Variants in ACSF2 observed in about 807,000 individuals in gnomAD.
ACSF2 encodes the protein acyl-CoA synthetase family member 2.
Under a neutral mutation model 79.3 loss-of-function variants are expected in ACSF2, and 52 were observed. The ratio of observed to expected loss-of-function variants is 0.66; its 90% CI spans 0.53 to 0.83. The LOEUF (loss-of-function observed/expected upper bound fraction) is 0.83. Among genes scored for constraint, ACSF2 ranks in the 40% least tolerant of loss-of-function variants. The pLI is 0.00. For missense variants in ACSF2, 661 were observed against 803.3 expected (o/e 0.82, Z 2.14); for synonymous variants, 283 against 312.6 (o/e 0.91, Z 1.00).
intron 11 of ACSF2, chr17:50,472,002 C>G (rs1011051632): frequency 6.2e-6 from 1 of 160,198 alleles, no homozygotes; most frequent in Non-Finnish European, 1.4e-5. Flanking sequence ...TTTTCTCTAC[C>G]AGGCTTTCAG....
intron 1 of ACSF2, among the ~76,000 whole-genome samples, chr17:50,456,228 AACCCCC>A (rs2031986100): frequency 6.6e-6 from 1 of 152,108 alleles, no homozygotes; most frequent in Non-Finnish European, 1.5e-5. Context: ...GGGAGATCCA[AACCCCC>A]AGGCTGACTT....
chr17:50,450,027 G>A (rs1408131231), intron 1 of ACSF2, among the ~76,000 whole-genome samples: 1 of 152,104 alleles, frequency 6.6e-6, no homozygotes, highest in Non-Finnish European at 1.5e-5. Context: ...GCTTCTCTAA[G>A]TGGAGGCCTT....
At chr17:50,442,730 G>A (rs746309050) in intron 1 of ACSF2, among the ~76,000 whole-genome samples, 1 of 152,098 alleles carries the variant, frequency 6.6e-6, no homozygotes, top group Non-Finnish European at 1.5e-5. Flanking sequence ...ATCCCAAAGC[G>A]TTGGGATTAT....
chr17:50,432,921 A>G (rs2030062569), intron 1 of ACSF2, among the ~76,000 whole-genome samples: 3 of 152,250 alleles, frequency 2.0e-5, no homozygotes, highest in South Asian at 4.2e-4. Context: ...CCTAAACCCA[A>G]TAAGGCTGTG....
rs1176040196 is a variant in ACSF2 at position 50,461,278 on chromosome 17, C to T, written c.361C>T (p.Leu121Phe). The change falls in exon 3 of 16, where the codon CTC (leucine) becomes TTC (phenylalanine). Residue 121 changes from leucine (L) to phenylalanine (F), a missense_variant. Physicochemically the swap from Leu to Phe is conservative, Grantham distance 22 (BLOSUM62 0). Coordinates refer to ENST00000300441, the MANE Select transcript of ACSF2 (RefSeq NM_025149.6). The part of the protein sequence containing the change: ...KAASGLLSIG[L>F]CKGDRLGMWG... ...TGCTTCTGGCCTCCTGAGCATTGGCCTCTGCAAAGGTGACCGGCTGGGCAT... is the reference window on the plus strand; with the variant it reads ...TGCTTCTGGCCTCCTGAGCATTGGCTTCTGCAAAGGTGACCGGCTGGGCAT... 6.2e-7 allele frequency: 1 copy of T among 1,614,220 alleles called. No individual in the cohort carries two copies. Among genetic ancestry groups the T allele is most frequent in the Admixed American group, 1.7e-5 (1 of 60,030 alleles).
intron 1 of ACSF2, among the ~76,000 whole-genome samples, chr17:50,429,970 C>G (rs969328173): frequency 1.3e-5 from 2 of 152,334 alleles, no homozygotes; most frequent in Middle Eastern, 3.4e-3. Context: ...GGAAGGAATT[C>G]AAGGAGAAAC....
In ACSF2 at chr17:50,463,364, G is replaced by A. The variant is rs924173774; in HGVS notation, c.889-31G>A. ...GAGAGGAACTGGCGTCTGGCTCCAA[G>A]ACAGACCCAGCCTCCTGTCTCCATC... On this transcript the variant is annotated intron_variant, in intron 7 of 15. Coordinates refer to ENST00000300441, the MANE Select transcript of ACSF2 (RefSeq NM_025149.6). The surrounding 1 kb of genome is among the most constrained non-coding windows in gnomAD (Gnocchi z 4.6). The A allele has an allele frequency of 1.2e-6, 2 of 1,612,288 alleles. No homozygotes were observed. Among genetic ancestry groups the A allele is most frequent in the Non-Finnish European group, 1.7e-6 (2 of 1,179,056 alleles).
At chr17:50,468,667 C>T (rs1258329860) in intron 10 of ACSF2, 1 of 1,614,070 alleles carries the variant, frequency 6.2e-7, no homozygotes, top group East Asian at 2.2e-5. Context: ...TCTTCTCTGA[C>T]ACCTTGGGGA....
chr17:50,455,006 G>A (rs1288448980), intron 1 of ACSF2, among the ~76,000 whole-genome samples: 4 of 152,182 alleles, frequency 2.6e-5, no homozygotes, highest in Non-Finnish European at 5.9e-5. Flanking sequence ...CTTGTTGTGA[G>A]GCTGAACACC....
At chr17:50,448,559 G>A (rs187283851) in intron 1 of ACSF2, among the ~76,000 whole-genome samples, 6 of 152,252 alleles carry the variant, frequency 3.9e-5, no homozygotes, top group Non-Finnish European at 8.8e-5. Context: ...AGTTTAATTG[G>A]GAATGAGCAT....
intron 1 of ACSF2, among the ~76,000 whole-genome samples, chr17:50,456,988 T>G (rs926784941): frequency 1.3e-5 from 2 of 152,030 alleles, no homozygotes; most frequent in Non-Finnish European, 2.9e-5. Flanking sequence ...TTGCTTGAGT[T>G]TGGGAGGTCG....
intron 1 of ACSF2, among the ~76,000 whole-genome samples, chr17:50,449,445 C>T (rs1281511134): frequency 6.6e-6 from 1 of 151,340 alleles, no homozygotes; most frequent in Non-Finnish European, 1.5e-5. Context: ...CGCTTTGTCA[C>T]CCAGGCTGGA....
intron 10 of ACSF2, chr17:50,465,416 C>G (rs34405131): frequency 6.2e-7 from 1 of 1,613,622 alleles, no homozygotes; most frequent in Non-Finnish European, 8.5e-7. Context: ...GGCATCTGGG[C>G]GGGAGGCCTT....
At chr17:50,459,080 T>C (rs2032185281) in intron 1 of ACSF2, among the ~76,000 whole-genome samples, 1 of 152,228 alleles carries the variant, frequency 6.6e-6, no homozygotes, top group East Asian at 1.9e-4. Context: ...GAATGGATGG[T>C]AAAATGCCTG....
chr17:50,455,892 G>T (rs1262657011), intron 1 of ACSF2, among the ~76,000 whole-genome samples: 1 of 152,120 alleles, frequency 6.6e-6, no homozygotes, highest in Non-Finnish European at 1.5e-5. Flanking sequence ...TCCCAGGTGA[G>T]GAGTCTAAGA....
chr17:50,430,260 G>A (rs1044009514), intron 1 of ACSF2, among the ~76,000 whole-genome samples: 1 of 152,198 alleles, frequency 6.6e-6, no homozygotes, highest in African/African-American at 2.4e-5. Flanking sequence ...TGAGGCCAAA[G>A]TAATATAAGT....
rs1007761229 is a variant in ACSF2, at chr17:50,429,878, G to A, written c.128+3489G>A. On this transcript the variant is annotated intron_variant, in intron 1 of 15. Coordinates refer to ENST00000300441, the MANE Select transcript of ACSF2 (RefSeq NM_025149.6). Reference sequence around the variant, plus strand: ...TCCTTTGCTCTCCAGAACTCCTCACGACCAACTCCTTCCCCCTATCTATGT... The same window carrying A: ...TCCTTTGCTCTCCAGAACTCCTCACAACCAACTCCTTCCCCCTATCTATGT... Among the ~76,000 whole-genome samples the A allele has an allele frequency of 8.5e-5, 13 of 152,248 alleles. No homozygotes were observed. The South Asian group carries it at 2.5e-3, about 29-fold the overall frequency.
At chr17:50,459,333 C>T (rs777745218) in intron 1 of ACSF2, among the ~76,000 whole-genome samples, 2 of 152,214 alleles carry the variant, frequency 1.3e-5, no homozygotes, top group Non-Finnish European at 2.9e-5. Context: ...CTCTGCCTCC[C>T]AGGCTCGAGT....
Position 50,471,233 on chromosome 17 carries a change from G to A in ACSF2, c.1323+98G>A. On this transcript the variant is annotated intron_variant, in intron 11 of 15. Coordinates refer to ENST00000300441, the MANE Select transcript of ACSF2 (RefSeq NM_025149.6). The surrounding 1 kb of genome is among the most constrained non-coding windows in gnomAD (Gnocchi z 4.1). ...GTTGCTTTCAGTGAGAGAGTCAAAT[G>A]GCTCACTCAGGATGCCTAGAGCCCC... 1 of 971,160 alleles carries A rather than the reference G, an allele frequency of 1.0e-6. No individual in the cohort carries two copies. Among genetic ancestry groups the A allele is most frequent in the Non-Finnish European group, 1.6e-6 (1 of 615,500 alleles). The allele number at this position is 971,160 out of a possible 1,614,324, so 60.2% of individuals were successfully genotyped here. A position where few individuals can be genotyped will look rare whatever the true frequency, so the allele number is the denominator to read the frequency against.
Sources: gnomAD v4.1 joint callset for allele counts (sites outside exome capture counted in the v4.1 genomes callset) on GRCh38, gnomAD v4.1.1 for gene constraint, Gnocchi (gnomAD v3.1) non-coding constraint, MANE v1.5 for transcripts, NCBI Gene and HGNC (gene_info 2026-07-23, HGNC 2026-07-21) for gene names.